Variants in ATXN2 observed in about 807,000 individuals in gnomAD.
ATXN2 encodes the protein ataxin 2.
Under a neutral mutation model 138.6 loss-of-function variants are expected in ATXN2, and 37 were observed. That is an observed-to-expected ratio of 0.27 (90% CI 0.21 to 0.35). The LOEUF (loss-of-function observed/expected upper bound fraction) is 0.35, where lower values mean the gene tolerates loss of function less well. Among genes scored for constraint, ATXN2 ranks in the 10% least tolerant of loss-of-function variants. The pLI, the probability that ATXN2 is intolerant of heterozygous loss-of-function variation, is 1.00. For missense variants in ATXN2, 1,216 were observed against 1,480.3 expected, an observed-to-expected ratio of 0.82 and a Z score of 2.93; for synonymous variants, 549 against 543.7, an observed-to-expected ratio of 1.01 and a Z score of -0.13.
intron 1 of ATXN2, among the ~76,000 whole-genome samples, chr12:111,592,493 AC>A (rs1884719375): frequency 3.3e-5 from 5 of 151,384 alleles, no homozygotes; most frequent in African/African-American, 9.7e-5. Flanking sequence ...TTAAAAAGAT[AC>A]GGCAGCGGCC....
At position 111,485,858 on chromosome 12, in the gene ATXN2, G is replaced by C; in HGVS notation, c.2312C>G (p.Pro771Arg). ...FNPRSFSQPK[P>R]STTPTSPRPQ... Reference sequence around the variant, plus strand: ...CCGAGGTGAAGTTGGGGTAGTAGAAGGCTTTGGCTACAAAAACAACAATAA... The same window carrying C: ...CCGAGGTGAAGTTGGGGTAGTAGAACGCTTTGGCTACAAAAACAACAATAA... Residue 771 changes from proline (P) to arginine (R), a missense_variant, in exon 17 of 25, where the codon CCT (proline) becomes CGT (arginine). Physicochemically the swap from Pro to Arg is moderately radical, Grantham distance 103. Coordinates refer to ENST00000673436, the MANE Select transcript of ATXN2 (RefSeq NM_001372574.1). 6.2e-7 allele frequency: 1 copy of C among 1,613,688 alleles called. No individual in the cohort carries two copies. Among genetic ancestry groups the C allele is most frequent in the Non-Finnish European group, 8.5e-7 (1 of 1,179,824 alleles).
At chr12:111,545,155 T>TCAAAAA (rs1881737562) in intron 5 of ATXN2, among the ~76,000 whole-genome samples, 1 of 151,864 alleles carries the variant, frequency 6.6e-6, no homozygotes. Flanking sequence ...AGACTCTGTC[T>TCAAAAA]CAAAAACAAA....
At chr12:111,547,836 A>ATTTTTTTTTTTTT (rs34988312) in intron 5 of ATXN2, among the ~76,000 whole-genome samples, 4 of 100,222 alleles carry the variant, frequency 4.0e-5, no homozygotes, top group Admixed American at 1.0e-4. Flanking sequence ...TTGCTTGAGA[A>ATTTTTTTTTTTTT]TTTTTTTTTT....
At chr12:111,580,183 G>A (rs775097390) in intron 1 of ATXN2, among the ~76,000 whole-genome samples, 4 of 151,822 alleles carry the variant, frequency 2.6e-5, no homozygotes, top group Non-Finnish European at 5.9e-5. Context: ...AGTTAAATGG[G>A]AAGAAAGAGG....
At chr12:111,533,995 T>C (rs1013619058) in intron 5 of ATXN2, among the ~76,000 whole-genome samples, 2 of 151,874 alleles carry the variant, frequency 1.3e-5, no homozygotes, top group African/African-American at 4.8e-5. Flanking sequence ...TATGGTATCA[T>C]GCCTATGTAA....
At chr12:111,470,533 AAG>A in intron 19 of ATXN2, 23 bp downstream of exon 19, 2 of 1,604,652 alleles carry the variant, frequency 1.2e-6, no homozygotes, top group East Asian at 2.2e-5. Flanking sequence ...TACAAAAATT[AAG>A]AGTTAGGCCT....
chr12:111,468,284 C>A (rs940033499), intron 20 of ATXN2: 1 of 152,182 alleles, frequency 6.6e-6, no homozygotes, highest in Non-Finnish European at 1.5e-5. Context: ...AAATAATAAA[C>A]CAAGTTAGTT....
chr12:111,485,672 C>T, intron 17 of ATXN2, 41 bp downstream of exon 17: 3 of 1,608,830 alleles, frequency 1.9e-6, no homozygotes, highest in Non-Finnish European at 2.6e-6. Context: ...CAGATACAAA[C>T]AATTGGGGAG....
intron 5 of ATXN2, among the ~76,000 whole-genome samples, chr12:111,546,707 A>T (rs1010995317): frequency 6.6e-6 from 1 of 152,222 alleles, no homozygotes; most frequent in East Asian, 1.9e-4. Flanking sequence ...TCAAGTAAAA[A>T]ACAAGCAGAG....
At chr12:111,597,319 C>G (rs1360999512) in intron 1 of ATXN2, among the ~76,000 whole-genome samples, 1 of 152,174 alleles carries the variant, frequency 6.6e-6, no homozygotes, top group Admixed American at 6.6e-5. Flanking sequence ...AAAAAGAAAA[C>G]TCGGGTGAAT....
At chr12:111,577,216 C>A (rs1883715088) in intron 1 of ATXN2, among the ~76,000 whole-genome samples, 1 of 152,120 alleles carries the variant, frequency 6.6e-6, no homozygotes, top group South Asian at 2.1e-4. Flanking sequence ...TATTTCCAAA[C>A]AAGTCAGATC....
chr12:111,513,253 C>G, intron 11 of ATXN2, 104 bp downstream of exon 11: 2 of 1,298,560 alleles, frequency 1.5e-6, no homozygotes, highest in Non-Finnish European at 2.1e-6. Flanking sequence ...CTATTTTTAA[C>G]ATATACATAC....
chr12:111,521,776 A>G (rs1362107800), intron 6 of ATXN2, among the ~76,000 whole-genome samples: 1 of 152,026 alleles, frequency 6.6e-6, no homozygotes, highest in Non-Finnish European at 1.5e-5. Flanking sequence ...GGTGGGGGGG[A>G]GCCAGGGGCA....
intron 21 of ATXN2, among the ~76,000 whole-genome samples, chr12:111,459,269 T>G (rs2075966899): frequency 6.6e-6 from 1 of 152,168 alleles, no homozygotes; most frequent in South Asian, 2.1e-4. Flanking sequence ...AGACAGTCCT[T>G]TTTTTCTAAC....
intron 1 of ATXN2, among the ~76,000 whole-genome samples, chr12:111,591,081 G>A (rs1481852941): frequency 6.6e-6 from 1 of 151,870 alleles, no homozygotes; most frequent in Non-Finnish European, 1.5e-5. Context: ...TAGTAGAGGG[G>A]GGTTTCACCA....
At chr12:111,583,156 C>T (rs1317435680) in intron 1 of ATXN2, among the ~76,000 whole-genome samples, 1 of 149,722 alleles carries the variant, frequency 6.7e-6, no homozygotes, top group Non-Finnish European at 1.5e-5. Context: ...CCATGCCCAG[C>T]TAATTTTTTC....
At position 111,485,706 on chromosome 12, in the gene ATXN2, G is replaced by T; in HGVS notation, c.2457+7C>A. 6.2e-7 allele frequency: 1 copy of T among 1,613,568 alleles called. No homozygotes were observed. Among genetic ancestry groups the T allele is most frequent in the Non-Finnish European group, 8.5e-7 (1 of 1,179,716 alleles). ...AGGCTAAGTGAACATCAAATTCTATGACTTACTTGCACGCCTGGGCTCACT... is the reference window on the plus strand; with the variant it reads ...AGGCTAAGTGAACATCAAATTCTATTACTTACTTGCACGCCTGGGCTCACT... On this transcript the variant is annotated splice_region_variant and intron_variant, in intron 17 of 24. Coordinates refer to ENST00000673436, the MANE Select transcript of ATXN2 (RefSeq NM_001372574.1).
At chr12:111,517,041 C>A (rs1254340195) in intron 9 of ATXN2, among the ~76,000 whole-genome samples, 1 of 152,058 alleles carries the variant, frequency 6.6e-6, no homozygotes, top group Non-Finnish European at 1.5e-5. Context: ...GGGAGACCTT[C>A]TAAATAATTT....
rs1055992770 is a variant in ATXN2, at chr12:111,562,834, A to T, written c.252-6915T>A. On this transcript the variant is annotated intron_variant, in intron 1 of 24. Transcript: ENST00000673436. ...TCAGGCAAAAGTGTCCACAGAAGCT[A>T]AATATAGTAAGGGAAAGTAGAAACA... is the stretch of plus-strand genomic sequence containing the variant. 7.2e-5 allele frequency among the ~76,000 whole-genome samples: 11 copies of T among 152,236 alleles called. 1 individual carries two copies. The East Asian group carries it at 1.9e-3, about 27-fold the overall frequency.
Sources: allele counts gnomAD v4.1 joint callset (sites outside exome capture counted in the v4.1 genomes callset), GRCh38; gene constraint gnomAD v4.1.1; transcripts MANE v1.5; gene names NCBI Gene and HGNC (gene_info 2026-07-23, HGNC 2026-07-21).